SIAH3: variants seen among roughly 807,000 people sequenced by gnomAD.
SIAH3 encodes siah E3 ubiquitin protein ligase family member 3.
A neutral mutation model predicts 12.6 loss-of-function variants in SIAH3; 9 were observed. The ratio of observed to expected loss-of-function variants is 0.72; its 90% CI spans 0.43 to 1.25. The LOEUF (loss-of-function observed/expected upper bound fraction) is 1.25. Among genes scored for constraint, SIAH3 ranks in the 50% most tolerant of loss-of-function variants. SIAH3 has a pLI of 0.00. For missense variants in SIAH3, 390 were observed against 365.4 expected (o/e 1.07, Z -0.55); for synonymous variants, 154 against 151.1 (o/e 1.02, Z -0.14).
intron 1 of SIAH3, among the ~76,000 whole-genome samples, chr13:45,799,809 C>T (rs919842535): frequency 6.6e-6 from 1 of 152,236 alleles, no homozygotes; most frequent in Non-Finnish European, 1.5e-5. Context: ...CCAGCTTGCT[C>T]ATTTAGTTAG....
At chr13:45,846,237 C>G (rs1394945906) in intron 1 of SIAH3, among the ~76,000 whole-genome samples, 2 of 151,590 alleles carry the variant, frequency 1.3e-5, no homozygotes, top group African/African-American at 4.9e-5. Context: ...CTACAGGTGC[C>G]CGCCACCATG....
chr13:45,818,128 C>T (rs1950641336), intron 1 of SIAH3, among the ~76,000 whole-genome samples: 1 of 152,198 alleles, frequency 6.6e-6, no homozygotes, highest in African/African-American at 2.4e-5. Flanking sequence ...CCTACATCAC[C>T]TCCCAGGGTC....
rs546320917 is a variant in SIAH3, at chr13:45,779,049, A to C, written c.*4334T>G. 1 of 152,280 alleles carries C rather than the reference A, an allele frequency of 6.6e-6. No individual in the cohort carries two copies. The highest frequency in any genetic ancestry group is 2.1e-4 in the South Asian group (1 of 4,820). 9.4% of individuals were successfully genotyped at this position (152,280 alleles called of 1,614,324 possible). A position where few individuals can be genotyped will look rare whatever the true frequency, so the allele number is the denominator to read the frequency against. The stretch of plus-strand genomic sequence containing the variant: ...TGTCTAGTAGCATTTGCTAATTTCC[A>C]TGGTATGAATACTTCCACCATGGCT... On this transcript the variant is annotated 3_prime_UTR_variant, in exon 2 of 2. Coordinates refer to ENST00000400405, the MANE Select transcript of SIAH3 (RefSeq NM_198849.3).
chr13:45,847,124 G>A lies in SIAH3; in HGVS notation c.135+4371C>T, dbSNP rs190466459. Among the ~76,000 whole-genome samples, 511 of 152,362 alleles carry A rather than the reference G, an allele frequency of 3.4e-3. 5 individuals carry two copies. The highest frequency in any genetic ancestry group is 0.012 in the African/African-American group (479 of 41,582). ...GAGAAACAAGACAGTGAAATGCCCA[G>A]AGGACTGGGAATGGGACTGTCAGAG... On this transcript the variant is annotated intron_variant, in intron 1 of 1. Transcript: ENST00000400405.
chr13:45,814,633 G>A (rs1166678548), intron 1 of SIAH3, among the ~76,000 whole-genome samples: 1 of 152,124 alleles, frequency 6.6e-6, no homozygotes, highest in African/African-American at 2.4e-5. Flanking sequence ...ACCCCACACT[G>A]CTCAGATCTT....
chr13:45,801,505 C>G (rs1222852873), intron 1 of SIAH3, among the ~76,000 whole-genome samples: 1 of 152,158 alleles, frequency 6.6e-6, no homozygotes, highest in East Asian at 1.9e-4. Flanking sequence ...TTTCACAACA[C>G]TTGATTGGTT....
chr13:45,791,272 G>GT (rs1374496424), intron 1 of SIAH3, among the ~76,000 whole-genome samples: 1 of 152,242 alleles, frequency 6.6e-6, no homozygotes, highest in Non-Finnish European at 1.5e-5. Flanking sequence ...GTTTAGTGCA[G>GT]TGATGGACTT....
chr13:45,816,584 G>A (rs1330588971), intron 1 of SIAH3, among the ~76,000 whole-genome samples: 5 of 152,178 alleles, frequency 3.3e-5, no homozygotes, highest in East Asian at 1.9e-4. Context: ...CCCCTCGGGC[G>A]TGCCCCACAA....
intron 1 of SIAH3, among the ~76,000 whole-genome samples, chr13:45,811,276 G>A (rs1036006202): frequency 1.3e-5 from 2 of 152,354 alleles, no homozygotes; most frequent in Non-Finnish European, 2.9e-5. Flanking sequence ...GGCAGGACTA[G>A]TTGGAGAGGG....
Position 45,851,484 on chromosome 13 carries a change from CAG to C in SIAH3, c.135+9_135+10del. The C allele has an allele frequency of 1.2e-6, 2 of 1,613,912 alleles. No homozygotes were observed. Among genetic ancestry groups the C allele is most frequent in the East Asian group, 2.2e-5 (1 of 44,866 alleles). On this transcript the variant is annotated intron_variant, in intron 1 of 1. Coordinates refer to ENST00000400405, the MANE Select transcript of SIAH3 (RefSeq NM_198849.3). ...TGAGCCCGGTGAAGGTAAAATGACA[CAG>C]AGACTCACCTTTAGGTTGTGTGTGG...
intron 1 of SIAH3, among the ~76,000 whole-genome samples, chr13:45,827,851 T>G (rs1386319450): frequency 6.6e-6 from 1 of 152,246 alleles, no homozygotes; most frequent in Admixed American, 6.5e-5. Flanking sequence ...CTGTCTTTCC[T>G]TCTCTCTGCT....
At position 45,783,301 on chromosome 13, in the gene SIAH3, A is replaced by G; in HGVS notation, c.*82T>C. On this transcript the variant is annotated 3_prime_UTR_variant, in exon 2 of 2. Coordinates refer to ENST00000400405, the MANE Select transcript of SIAH3 (RefSeq NM_198849.3). ...AAAAAAAAAGAAAGGAGAAGAATAA[A>G]AAGGAGTCTGGAGTCCTGGTATTGG... 6.0e-6 allele frequency: 6 copies of G among 998,022 alleles called. No individual in the cohort carries two copies. Among genetic ancestry groups the G allele is most frequent in the Non-Finnish European group, 8.5e-6 (6 of 709,868 alleles). 61.8% of individuals were successfully genotyped at this position (998,022 alleles called of 1,614,324 possible). A position where few individuals can be genotyped will look rare whatever the true frequency, so the allele number is the denominator to read the frequency against.
At chr13:45,789,070 G>A (rs550058390) in intron 1 of SIAH3, among the ~76,000 whole-genome samples, 14 of 152,234 alleles carry the variant, frequency 9.2e-5, no homozygotes, top group Admixed American at 4.6e-4. Flanking sequence ...AGAACTGACC[G>A]CTCCAGGACT....
At chr13:45,845,069 C>T (rs796235688) in intron 1 of SIAH3, among the ~76,000 whole-genome samples, 14 of 152,346 alleles carry the variant, frequency 9.2e-5, no homozygotes, top group African/African-American at 3.4e-4. Context: ...TGTACTACTT[C>T]TGCCCTTTCA....
chr13:45,835,343 C>CA (rs1374028047), intron 1 of SIAH3, among the ~76,000 whole-genome samples: 1 of 152,190 alleles, frequency 6.6e-6, no homozygotes, highest in Non-Finnish European at 1.5e-5. Context: ...GGAAGCCGGA[C>CA]ACAGTAGATT....
intron 1 of SIAH3, among the ~76,000 whole-genome samples, chr13:45,812,087 C>A (rs1419196539): frequency 6.6e-6 from 1 of 152,182 alleles, no homozygotes; most frequent in Non-Finnish European, 1.5e-5. Context: ...GGAGATGGAG[C>A]AGAAACAAGT....
At chr13:45,813,370 G>A (rs776742578) in intron 1 of SIAH3, among the ~76,000 whole-genome samples, 1 of 152,196 alleles carries the variant, frequency 6.6e-6, no homozygotes, top group African/African-American at 2.4e-5. Flanking sequence ...GTAGCAAAAG[G>A]AAAAGCCCAA....
At chr13:45,838,312 C>T (rs532228048) in intron 1 of SIAH3, among the ~76,000 whole-genome samples, 1 of 152,302 alleles carries the variant, frequency 6.6e-6, no homozygotes, top group East Asian at 1.9e-4. Flanking sequence ...CTTTCTGTTT[C>T]TAATTTCTCT....
rs1950488340 is a variant in SIAH3, at chr13:45,777,416, T to G, written c.*5967A>C. ...TGCTTCTCAATTTCCTTTCTCTTTC[T>G]TATCTCAATACCCTAAAAAAAAGAC... On this transcript the variant is annotated 3_prime_UTR_variant, in exon 2 of 2. Transcript: ENST00000400405. 6.6e-6 allele frequency: 1 copy of G among 152,194 alleles called. No individual in the cohort carries two copies. The highest frequency in any genetic ancestry group is 2.4e-5 in the African/African-American group (1 of 41,434). The allele number at this position is 152,194 out of a possible 1,614,324, so 9.4% of individuals were successfully genotyped here.
Sources: gnomAD v4.1 joint callset for allele counts (sites outside exome capture counted in the v4.1 genomes callset) on GRCh38, gnomAD v4.1.1 for gene constraint, MANE v1.5 for transcripts, NCBI Gene and HGNC (gene_info 2026-07-23, HGNC 2026-07-21) for gene names.